KDM4B: variants seen among roughly 807,000 people sequenced by gnomAD.
The protein encoded by KDM4B is lysine demethylase 4B, also known as lysine-specific demethylase 4B.
KDM4B carries 32 observed loss-of-function variants against 125.2 expected under a neutral mutation model. The observed-to-expected ratio is 0.26, with a 90% confidence interval of 0.19 to 0.34. KDM4B has a LOEUF of 0.34. Ranked by LOEUF, KDM4B falls within the 10% of genes least tolerant of loss-of-function variation. KDM4B has a pLI of 1.00. For missense variants in KDM4B, 1,190 were observed against 1,577.7 expected (o/e 0.75, Z 4.16); for synonymous variants, 721 against 677.9 (o/e 1.06, Z -0.99).
intron 6 of KDM4B, among the ~76,000 whole-genome samples, chr19:5,068,059 A>G (rs1428003551): frequency 6.6e-6 from 1 of 151,636 alleles, no homozygotes; most frequent in Non-Finnish European, 1.5e-5. Context: ...GCTTTAGTGA[A>G]CAAACATTTC....
intron 9 of KDM4B, among the ~76,000 whole-genome samples, chr19:5,092,309 C>A (rs1047095799): frequency 5.3e-5 from 8 of 152,218 alleles, no homozygotes; most frequent in African/African-American, 1.9e-4. Flanking sequence ...GCCAGGCACA[C>A]CCCAACCCAG....
chr19:5,088,574 G>T (rs1231992622), intron 9 of KDM4B, among the ~76,000 whole-genome samples: 1 of 151,906 alleles, frequency 6.6e-6, no homozygotes, highest in Non-Finnish European at 1.5e-5. Context: ...CAAAACCTAG[G>T]CCGTTCATCT....
intron 7 of KDM4B, among the ~76,000 whole-genome samples, chr19:5,072,463 G>A (rs1339603112): frequency 6.6e-6 from 1 of 152,138 alleles, no homozygotes; most frequent in Non-Finnish European, 1.5e-5. Context: ...CCTTTCTTAG[G>A]CACAGGTGAA....
At chr19:5,010,752 A>G (rs554182064) in intron 1 of KDM4B, among the ~76,000 whole-genome samples, 24 of 152,214 alleles carry the variant, frequency 1.6e-4, no homozygotes, top group African/African-American at 4.8e-4. Flanking sequence ...GGTTCAAGCA[A>G]TTCTCCTGCC....
intron 6 of KDM4B, among the ~76,000 whole-genome samples, chr19:5,064,987 A>G (rs1032350079): frequency 2.2e-4 from 33 of 152,314 alleles, no homozygotes; most frequent in Admixed American, 7.8e-4. Context: ...GGGACAGGAT[A>G]TTGGACCCCC....
intron 9 of KDM4B, among the ~76,000 whole-genome samples, chr19:5,099,940 A>G (rs1392824285): frequency 1.3e-5 from 2 of 152,272 alleles, no homozygotes; most frequent in African/African-American, 4.8e-5. Flanking sequence ...CAGGATGGTT[A>G]GGCAACAAAG....
At chr19:5,128,648 C>T (rs1297160045) in intron 11 of KDM4B, among the ~76,000 whole-genome samples, 1 of 152,198 alleles carries the variant, frequency 6.6e-6, no homozygotes, top group African/African-American at 2.4e-5. Flanking sequence ...CCTCCCCGGG[C>T]TGCTCCAGCT....
At chr19:5,092,630 G>A (rs1030131106) in intron 9 of KDM4B, among the ~76,000 whole-genome samples, 3 of 152,220 alleles carry the variant, frequency 2.0e-5, no homozygotes, top group Non-Finnish European at 2.9e-5. Context: ...TTCGGGGGCT[G>A]CAGCTGGTTG....
chr19:5,095,791 C>T (rs2038809222), intron 9 of KDM4B, among the ~76,000 whole-genome samples: 11 of 152,234 alleles, frequency 7.2e-5, no homozygotes, highest in Admixed American at 7.2e-4. Context: ...TCGGACTCCT[C>T]AACCTGGGGA....
At chr19:4,972,422 G>T (rs563474237) in intron 1 of KDM4B, among the ~76,000 whole-genome samples, 1 of 152,290 alleles carries the variant, frequency 6.6e-6, no homozygotes, top group South Asian at 2.1e-4. Context: ...GTTCGGAGCC[G>T]GTTTATTACA....
chr19:5,110,689 G>A lies in KDM4B; in HGVS notation c.986G>A (p.Arg329His), dbSNP rs1012919008. Residue 329 changes from arginine to histidine, a missense_variant, in exon 10 of 23, where the codon CGC (arginine) becomes CAC (histidine). Physicochemically the swap from Arg to His is conservative, Grantham distance 29. Transcript: ENST00000159111. ...TTCGTGCGCATCCTGCAGCCCGAGCGCTACGAGCTGTGGAAGCAGGGCAAG... is the reference window on the plus strand; with the variant it reads ...TTCGTGCGCATCCTGCAGCCCGAGCACTACGAGCTGTGGAAGCAGGGCAAG... ...DVFVRILQPE[R>H]YELWKQGKDL... 2.5e-6 allele frequency: 4 copies of A among 1,613,044 alleles called. No individual in the cohort carries two copies. The highest frequency in any genetic ancestry group is 1.3e-5 in the African/African-American group (1 of 75,052).
intron 13 of KDM4B, 62 bp downstream of exon 13, chr19:5,132,069 A>AG (rs536534325): frequency 1.2e-5 from 18 of 1,495,146 alleles, no homozygotes; most frequent in Admixed American, 2.4e-5. Flanking sequence ...CTGCTGCTGG[A>AG]GGGGGGGCCT....
At chr19:5,000,216 C>CCCACCCAT (rs1336834556) in intron 1 of KDM4B, among the ~76,000 whole-genome samples, 6 of 109,542 alleles carry the variant, frequency 5.5e-5, no homozygotes, top group African/African-American at 2.1e-4. Flanking sequence ...CATCCACCCA[C>CCCACCCAT]CCACCCATCC....
At chr19:5,001,488 A>C (rs971238094) in intron 1 of KDM4B, among the ~76,000 whole-genome samples, 4 of 152,168 alleles carry the variant, frequency 2.6e-5, no homozygotes. Context: ...TCTCTCCTGC[A>C]TGTAGATATT....
chr19:5,135,248 C>A, intron 14 of KDM4B, 91 bp from the exon 15 acceptor site: 3 of 836,642 alleles, frequency 3.6e-6, no homozygotes, highest in Admixed American at 4.5e-5. Context: ...GGTGTCGAAG[C>A]CTGGGGCAGG....
chr19:5,088,905 C>T (rs2038598071), intron 9 of KDM4B, among the ~76,000 whole-genome samples: 1 of 152,118 alleles, frequency 6.6e-6, no homozygotes, highest in South Asian at 2.1e-4. Flanking sequence ...GGAGCAAGGC[C>T]CAGCGTGGGT....
chr19:5,149,011 C>T (rs1440450740), intron 21 of KDM4B, among the ~76,000 whole-genome samples: 1 of 152,218 alleles, frequency 6.6e-6, no homozygotes, highest in Non-Finnish European at 1.5e-5. Context: ...TGGGCACTCC[C>T]AGCCCTGCTT....
At chr19:5,072,437 A>G (rs1289444632) in intron 7 of KDM4B, among the ~76,000 whole-genome samples, 6 of 152,148 alleles carry the variant, frequency 3.9e-5, no homozygotes, top group East Asian at 1.9e-4. Flanking sequence ...GAGCGTTTCT[A>G]TTGGAAACCT....
intron 5 of KDM4B, among the ~76,000 whole-genome samples, chr19:5,042,058 C>T (rs1230055109): frequency 6.6e-6 from 1 of 152,252 alleles, no homozygotes; most frequent in Non-Finnish European, 1.5e-5. Context: ...AGGCATAAGC[C>T]AGCCTTGCTT....
Sources: gnomAD v4.1 joint callset for allele counts (sites outside exome capture counted in the v4.1 genomes callset) on GRCh38, gnomAD v4.1.1 for gene constraint, MANE v1.5 for transcripts, NCBI Gene and HGNC (gene_info 2026-07-23, HGNC 2026-07-21) for gene names.